Variants in GPR139 observed in about 807,000 individuals in gnomAD.
The protein encoded by GPR139 is probable G protein-coupled receptor 139.
Under a neutral mutation model 25.8 loss-of-function variants are expected in GPR139, and 12 were observed. That is an observed-to-expected ratio of 0.47 (90% CI 0.30 to 0.75). The LOEUF (loss-of-function observed/expected upper bound fraction) is 0.75, where lower values mean the gene tolerates loss of function less well. Among genes scored for constraint, GPR139 ranks in the 30% least tolerant of loss-of-function variants. The probability of loss-of-function intolerance (pLI) is 0.07; values close to 1 mark genes in which losing one functional copy is unlikely to be tolerated. For synonymous variants in GPR139, 184 were observed against 179.9 expected, an observed-to-expected ratio of 1.02 and a Z score of -0.18; for missense variants, 380 against 450.2, an observed-to-expected ratio of 0.84 and a Z score of 1.41.
intron 1 of GPR139, among the ~76,000 whole-genome samples, chr16:20,047,403 GC>G (rs2057358037): frequency 6.6e-6 from 1 of 152,194 alleles, no homozygotes; most frequent in South Asian, 2.1e-4. Context: ...ACTGTGCCCA[GC>G]CCTTAGGGAT....
chr16:20,036,206 A>G (rs533719183), intron 1 of GPR139, among the ~76,000 whole-genome samples: 29 of 152,284 alleles, frequency 1.9e-4, no homozygotes, highest in African/African-American at 6.5e-4. Flanking sequence ...ACCTAATCAT[A>G]TATAGTCAGA....
Position 20,064,815 on chromosome 16 carries a change from C to T in GPR139, c.127+8675G>A, listed in dbSNP as rs149251046. Among the ~76,000 whole-genome samples the T allele has an allele frequency of 1.4e-4, 21 of 152,318 alleles. No homozygotes were observed. The South Asian group carries it at 1.5e-3, about 11-fold the overall frequency. Reference sequence around the variant, plus strand: ...GAACCCAGGTCTGAGGAGTACAGAGCCTACATCCTGATCCACCATGCTGGC... The same window carrying T: ...GAACCCAGGTCTGAGGAGTACAGAGTCTACATCCTGATCCACCATGCTGGC... On this transcript the variant is annotated intron_variant, in intron 1 of 1. Transcript: ENST00000570682.
At chr16:20,055,861 A>T (rs546971160) in intron 1 of GPR139, among the ~76,000 whole-genome samples, 3 of 152,362 alleles carry the variant, frequency 2.0e-5, no homozygotes, top group Non-Finnish European at 4.4e-5. Context: ...GCCATTTAGT[A>T]ATTTGCCATG....
chr16:20,038,281 T>TAC (rs1433209607), intron 1 of GPR139, among the ~76,000 whole-genome samples: 5 of 150,580 alleles, frequency 3.3e-5, no homozygotes, highest in East Asian at 2.0e-4. Context: ...GCTATATATA[T>TAC]ACACACACAC....
In GPR139 at chr16:20,073,120, T is replaced by C. The variant is rs1327231872; in HGVS notation, c.127+370A>G. On this transcript the variant is annotated intron_variant, in intron 1 of 1. Transcript: ENST00000570682. This position sits in a 1 kb window ranked among gnomAD's most constrained non-coding sequence, Gnocchi z 4.7. ...TCCACGAAGCCTTCTGTCCAGAACA[T>C]GCAGTCAAGCCAAACACACACAAAG... 2.6e-5 allele frequency among the ~76,000 whole-genome samples: 4 copies of C among 151,914 alleles called. No homozygotes were observed. Among genetic ancestry groups the C allele is most frequent in the Non-Finnish European group, 5.9e-5 (4 of 67,968 alleles).
intron 1 of GPR139, among the ~76,000 whole-genome samples, chr16:20,041,250 GGGAA>G (rs145023372): frequency 0.39 from 3,829 of 9,918 alleles, 1,721 homozygotes; most frequent in African/African-American, 0.58. Context: ...GGAGAGGAGA[GGGAA>G]GGAGAAAAGA....
intron 1 of GPR139, among the ~76,000 whole-genome samples, chr16:20,051,099 TAAAGA>T (rs1172257972): frequency 7.1e-6 from 1 of 141,218 alleles, no homozygotes; most frequent in Non-Finnish European, 1.5e-5. Context: ...AAGAAGGAAA[TAAAGA>T]AAGAAACTTA....
At chr16:20,054,658 G>A (rs1168866613) in intron 1 of GPR139, among the ~76,000 whole-genome samples, 2 of 151,676 alleles carry the variant, frequency 1.3e-5, no homozygotes, top group African/African-American at 4.9e-5. Context: ...TGTCCTGGAG[G>A]GTTTATTGTA....
chr16:20,060,758 TCTC>T (rs2057409925), intron 1 of GPR139, among the ~76,000 whole-genome samples: 1 of 152,016 alleles, frequency 6.6e-6, no homozygotes, highest in South Asian at 2.1e-4. Context: ...GCATCCCCCT[TCTC>T]CTTTTTTGGT....
intron 1 of GPR139, among the ~76,000 whole-genome samples, chr16:20,039,625 A>G (rs2057323396): frequency 6.6e-6 from 1 of 152,320 alleles, no homozygotes; most frequent in Middle Eastern, 3.4e-3. Context: ...GGGTACCACG[A>G]TTTAAAAGCC....
In GPR139 at chr16:20,032,691, G is replaced by A. The variant is rs369472119; in HGVS notation, c.128-22C>T. The A allele has an allele frequency of 1.1e-5, 18 of 1,570,094 alleles. No individual in the cohort carries two copies. The African/African-American group carries it at 2.3e-4, about 20-fold the overall frequency. On this transcript the variant is annotated intron_variant, in intron 1 of 1. Coordinates refer to ENST00000570682, the MANE Select transcript of GPR139 (RefSeq NM_001002911.4). Reference sequence around the variant, plus strand: ...TTTGCTGTGGAGAGAAGAAAAACTGGTTTAGCTCTGAAGCAAAGATGACTT... The same window carrying A: ...TTTGCTGTGGAGAGAAGAAAAACTGATTTAGCTCTGAAGCAAAGATGACTT...
chr16:20,067,437 A>G (rs890817628), intron 1 of GPR139, among the ~76,000 whole-genome samples: 1 of 152,218 alleles, frequency 6.6e-6, no homozygotes, highest in East Asian at 1.9e-4. Context: ...CAGGAGTCCT[A>G]TGGTCAAATG....
intron 1 of GPR139, among the ~76,000 whole-genome samples, chr16:20,068,224 A>T (rs2141216010): frequency 7.6e-6 from 1 of 131,682 alleles, no homozygotes; most frequent in African/African-American, 3.1e-5. Context: ...GAATATCATT[A>T]TCTATTTAAT....
chr16:20,054,358 T>C (rs72772745), intron 1 of GPR139, among the ~76,000 whole-genome samples: 11,505 of 152,058 alleles, frequency 0.076, 536 homozygotes, highest in Non-Finnish European at 0.11. Context: ...AGTCATCAGG[T>C]GGGAAACTAA....
intron 1 of GPR139, among the ~76,000 whole-genome samples, chr16:20,041,246 GAGAGGGAAGGAGAAA>G (rs1567236055): frequency 0.15 from 1,025 of 7,066 alleles, 453 homozygotes; most frequent in Non-Finnish European, 0.22. Flanking sequence ...GAGAGGAGAG[GAGAGGGAAGGAGAAA>G]AGAAAAGCAT....
intron 1 of GPR139, among the ~76,000 whole-genome samples, chr16:20,040,971 C>G (rs915479993): frequency 6.6e-5 from 10 of 151,480 alleles, no homozygotes; most frequent in Non-Finnish European, 1.3e-4. Context: ...AAAAAAGAAG[C>G]CACTTACCCC....
At chr16:20,042,833 A>C (rs888917742) in intron 1 of GPR139, among the ~76,000 whole-genome samples, 1 of 152,032 alleles carries the variant, frequency 6.6e-6, no homozygotes, top group Non-Finnish European at 1.5e-5. Context: ...TTTATAAGGG[A>C]TCATGTTTCA....
chr16:20,031,702 T>G lies in GPR139; in HGVS notation c.*33A>C. The G allele has an allele frequency of 1.9e-6, 3 of 1,543,926 alleles. No homozygotes were observed. The highest frequency in any genetic ancestry group is 2.7e-6 in the Non-Finnish European group (3 of 1,119,812). ...GACACCTTCCCATCTGGAAATGGAT[T>G]AGACAGAGGCAGTAGTTGCCACACC... On this transcript the variant is annotated 3_prime_UTR_variant, in exon 2 of 2. Coordinates refer to ENST00000570682, the MANE Select transcript of GPR139 (RefSeq NM_001002911.4).
intron 1 of GPR139, among the ~76,000 whole-genome samples, chr16:20,040,138 G>A (rs762613306): frequency 2.7e-4 from 41 of 152,140 alleles, no homozygotes; most frequent in Non-Finnish European, 3.8e-4. Flanking sequence ...ATGAGCCATC[G>A]TGGATATCCA....
Sources: gnomAD v4.1 joint callset for allele counts (sites outside exome capture counted in the v4.1 genomes callset) on GRCh38, gnomAD v4.1.1 for gene constraint, Gnocchi (gnomAD v3.1) non-coding constraint, MANE v1.5 for transcripts, NCBI Gene and HGNC (gene_info 2026-07-23, HGNC 2026-07-21) for gene names.